ATP5MJ: variants seen among roughly 807,000 people sequenced by gnomAD.
ATP5MJ encodes the protein ATP synthase membrane subunit j, also known as ATP synthase F(0) complex subunit j, mitochondrial.
Under a neutral mutation model 8.3 loss-of-function variants are expected in ATP5MJ, and 4 were observed. That is an observed-to-expected ratio of 0.48 (90% confidence interval 0.24 to 1.11). ATP5MJ has a LOEUF of 1.11. ATP5MJ is among the 50% of genes least tolerant of loss of function. The pLI is 0.18. For missense variants in ATP5MJ, 66 were observed against 71.8 expected, an observed-to-expected ratio of 0.92 and a Z score of 0.29; for synonymous variants, 23 against 21.3, an observed-to-expected ratio of 1.08 and a Z score of -0.23.
intron 2 of ATP5MJ, 65 bp downstream of exon 2, chr14:103,915,001 T>C: frequency 6.2e-7 from 1 of 1,602,848 alleles, no homozygotes; most frequent in Non-Finnish European, 8.5e-7. Context: ...ACAATGTGAA[T>C]TGTGATTCTT....
At chr14:103,913,669 G>A in intron 3 of ATP5MJ, 2 of 530,690 alleles carry the variant, frequency 3.8e-6, no homozygotes, top group Non-Finnish European at 6.6e-6. Flanking sequence ...CAGCATGCTT[G>A]CACAGCTCAC....
At chr14:103,913,480 A>T (rs1398782243) in intron 3 of ATP5MJ, 1 of 187,012 alleles carries the variant, frequency 5.3e-6, no homozygotes, top group Non-Finnish European at 1.1e-5. Context: ...GCGTGGCGGC[A>T]GGTGCCTGTA....
chr14:103,918,548 G>T (rs1461754082), intron 1 of ATP5MJ, among the ~76,000 whole-genome samples: 1 of 151,806 alleles, frequency 6.6e-6, no homozygotes, highest in Non-Finnish European at 1.5e-5. Flanking sequence ...TTTTAGTAGA[G>T]ACTTGGTTTC....
At chr14:103,914,164 T>C in intron 2 of ATP5MJ, 180 bp from the exon 3 acceptor site, 1 of 615,038 alleles carries the variant, frequency 1.6e-6, no homozygotes, top group Non-Finnish European at 2.8e-6. Flanking sequence ...TATGAACAGC[T>C]AACAGCCCTT....
chr14:103,912,954 A>T (rs563074700), intron 3 of ATP5MJ: 1 of 502,860 alleles, frequency 2.0e-6, no homozygotes, highest in African/African-American at 1.9e-5. Flanking sequence ...AAACTCATGT[A>T]GCCAGTCCTG....
chr14:103,914,626 C>T, intron 2 of ATP5MJ: 3 of 602,448 alleles, frequency 5.0e-6, no homozygotes, highest in Non-Finnish European at 8.9e-6. Context: ...CATGGCAAAA[C>T]CCCATCTCTA....
At chr14:103,913,888 A>G (rs1356043551) in intron 3 of ATP5MJ, 73 bp downstream of exon 3, 2 of 1,531,686 alleles carry the variant, frequency 1.3e-6, no homozygotes, top group Non-Finnish European at 1.8e-6. Context: ...ATTGAGAACA[A>G]CGATATACCT....
At chr14:103,920,450 A>G (rs2152108393) in intron 1 of ATP5MJ, among the ~76,000 whole-genome samples, 1 of 145,254 alleles carries the variant, frequency 6.9e-6, no homozygotes. Context: ...CCAACACATA[A>G]TAAAACGACA....
At chr14:103,919,705 C>G (rs960600082) in intron 1 of ATP5MJ, among the ~76,000 whole-genome samples, 1 of 152,164 alleles carries the variant, frequency 6.6e-6, no homozygotes, top group Non-Finnish European at 1.5e-5. Flanking sequence ...ACCCTTAGTC[C>G]CCAGTGCAAC....
At chr14:103,920,291 C>T (rs2087665242) in intron 1 of ATP5MJ, among the ~76,000 whole-genome samples, 1 of 149,840 alleles carries the variant, frequency 6.7e-6, no homozygotes, top group Admixed American at 6.7e-5. Context: ...TGCCACCACA[C>T]TGGGCTAATT....
chr14:103,919,342 C>G (rs776061696), intron 1 of ATP5MJ, among the ~76,000 whole-genome samples: 4 of 148,584 alleles, frequency 2.7e-5, no homozygotes, highest in Non-Finnish European at 3.0e-5. Context: ...GATCGTGCCA[C>G]TGCACTCCAG....
chr14:103,914,167 C>T (rs934074690), intron 2 of ATP5MJ, 183 bp from the exon 3 acceptor site: 7 of 612,300 alleles, frequency 1.1e-5, no homozygotes, highest in African/African-American at 1.1e-4. Context: ...GAACAGCTAA[C>T]AGCCCTTTCA....
intron 1 of ATP5MJ, among the ~76,000 whole-genome samples, chr14:103,919,827 G>GCC (rs201175980): frequency 6.7e-6 from 1 of 148,860 alleles, no homozygotes; most frequent in South Asian, 2.2e-4. Context: ...ATAAAACGAG[G>GCC]GCCCCCCCTT....
intron 2 of ATP5MJ, chr14:103,914,849 A>AAAAAAAAAAAAG (rs1428791290): frequency 5.5e-6 from 2 of 365,070 alleles, no homozygotes; most frequent in South Asian, 4.3e-5. Context: ...AAAAAAAAAA[A>AAAAAAAAAAAAG]AAAAAAAAGA....
chr14:103,914,777 C>T, intron 2 of ATP5MJ: 1 of 492,858 alleles, frequency 2.0e-6, no homozygotes, highest in Non-Finnish European at 3.5e-6. Context: ...GTGGAGGCTG[C>T]AGTGAACCAT....
At chr14:103,918,527 A>AT (rs767587825) in intron 1 of ATP5MJ, among the ~76,000 whole-genome samples, 122 of 151,762 alleles carry the variant, frequency 8.0e-4, no homozygotes, top group Non-Finnish European at 1.3e-3. Context: ...CGCCTGGCTA[A>AT]TTTTTTGTAT....
chr14:103,919,456 T>C (rs2087654762), intron 1 of ATP5MJ, among the ~76,000 whole-genome samples: 1 of 150,994 alleles, frequency 6.6e-6, no homozygotes, highest in African/African-American at 2.4e-5. Flanking sequence ...ATCCAGTTCA[T>C]GGCTATAATT....
Position 103,912,512 on chromosome 14 carries a change from G to A in ATP5MJ, c.*154C>T, listed in dbSNP as rs757090078. Reference sequence around the variant, plus strand: ...AACACACTGAAAGCAGTACCAGGTAGCAGTGCATCTCACAGATCCATTTAT... The same window carrying A: ...AACACACTGAAAGCAGTACCAGGTAACAGTGCATCTCACAGATCCATTTAT... On this transcript the variant is annotated 3_prime_UTR_variant, in exon 4 of 4. Coordinates refer to ENST00000286953, the MANE Select transcript of ATP5MJ (RefSeq NM_004894.3). The A allele has an allele frequency of 1.2e-5, 9 of 775,114 alleles. No homozygotes were observed. Among genetic ancestry groups the A allele is most frequent in the Admixed American group, 2.2e-5 (1 of 46,426 alleles). The allele number at this position is 775,114 out of a possible 1,614,324, so 48.0% of individuals were successfully genotyped here.
At chr14:103,914,035 A>T in intron 2 of ATP5MJ, 51 bp from the exon 3 acceptor site, 1 of 1,540,888 alleles carries the variant, frequency 6.5e-7, no homozygotes, top group Non-Finnish European at 8.8e-7. Flanking sequence ...CTTTACAAAA[A>T]TGCCTTTGTC....
Sources: gnomAD v4.1 joint callset for allele counts (sites outside exome capture counted in the v4.1 genomes callset) on GRCh38, gnomAD v4.1.1 for gene constraint, MANE v1.5 for transcripts, NCBI Gene and HGNC (gene_info 2026-07-23, HGNC 2026-07-21) for gene names.